Variants in CT47B1 observed in about 807,000 individuals in gnomAD.
CT47B1 encodes the protein cancer/testis antigen family 47 member B1.
A neutral mutation model predicts 12.8 loss-of-function variants in CT47B1; 24 were observed. The observed-to-expected ratio is 1.87, with a 90% CI of 1.36 to 2.63. The LOEUF is 2.63. Ranked by LOEUF, CT47B1 falls within the 30% of genes most tolerant of loss-of-function variation. The pLI is 0.00. For synonymous variants in CT47B1, 228 were observed against 133.3 expected (o/e 1.71, Z -4.89); for missense variants, 523 against 271.3 (o/e 1.93, Z -6.52).
Position 120,875,498 on chromosome X carries a change from A to G in CT47B1, c.173T>C (p.Val58Ala), listed in dbSNP as rs1252685293. The G allele has an allele frequency of 1.7e-6, 2 of 1,197,215 alleles. No homozygotes were observed. Among genetic ancestry groups the G allele is most frequent in the Non-Finnish European group, 2.2e-6 (2 of 893,296 alleles). ...ACCCTCCTCCTCCCCGAGGCCTTCC[A>G]CGGGCCCTGCGACTCCGACCACCTC... ...AAEVVGVAGP[V>A]EGLGEEEGEQ... Residue 58 changes from valine to alanine, a missense_variant, in exon 1 of 3, where the codon GTG becomes GCG. Val to Ala is a moderately conservative substitution (Grantham distance 64). Coordinates refer to ENST00000371311, the MANE Select transcript of CT47B1 (RefSeq NM_001145718.3).
In CT47B1 at chrX:120,875,480, T is replaced by A. The variant is rs757830268; in HGVS notation, c.191A>T (p.Glu64Val). Reference sequence around the variant, plus strand: ...CAGGCCTGCCGCCTGCTCACCCTCCTCCTCCCCGAGGCCTTCCACGGGCCC... The same window carrying A: ...CAGGCCTGCCGCCTGCTCACCCTCCACCTCCCCGAGGCCTTCCACGGGCCC... ...VAGPVEGLGE[E>V]EGEQAAGLAA... The change falls in exon 1 of 3, where the codon GAG (glutamate) becomes GTG (valine). Residue 64 changes from glutamate (E) to valine (V), a missense_variant. Physicochemically the swap from Glu to Val is moderately radical, Grantham distance 121. Coordinates refer to ENST00000371311, the MANE Select transcript of CT47B1 (RefSeq NM_001145718.3). 3 of 1,202,075 alleles carry A rather than the reference T, an allele frequency of 2.5e-6. No homozygotes were observed. The highest frequency in any genetic ancestry group is 3.5e-5 in the South Asian group (2 of 56,684).
In CT47B1 at chrX:120,875,413, A is replaced by C. The variant is rs765326890; in HGVS notation, c.258T>G (p.Asp86Glu). ...CCTCTTCCTCCGTCGCGGGCCCGAT[A>C]TCTGAGTCCTCCTCGGCGCTCCCGC... ...PQGGSAEEDS[D>E]IGPATEEEEE... Residue 86 changes from aspartate to glutamate, a missense_variant, in exon 1 of 3, where the codon GAT (aspartate) becomes GAG (glutamate). Transcript: ENST00000371311. The C allele has an allele frequency of 1.2e-5, 14 of 1,207,004 alleles. No homozygotes were observed. In the African/African-American group the frequency reaches 2.3e-4, roughly 20 times the overall value.
At position 120,875,237 on chromosome X, in the gene CT47B1, T is replaced by C. The variant is rs1209499178; in HGVS notation, c.434A>G (p.Asn145Ser). 1.7e-6 allele frequency: 2 copies of C among 1,210,992 alleles called. No homozygotes were observed. The highest frequency in any genetic ancestry group is 3.0e-5 in the East Asian group (1 of 33,829). ...LYHNDHIQIANRHLSRLMVGP... is the reference protein window; with the variant it reads ...LYHNDHIQIASRHLSRLMVGP... ...CACCATCAGGCGGCTGAGGTGACGG[T>C]TCGCTATCTGGATGTGGTCGTTGTG... Residue 145 changes from asparagine (N) to serine (S), a missense_variant, in exon 1 of 3, where the codon AAC becomes AGC. Coordinates refer to ENST00000371311, the MANE Select transcript of CT47B1 (RefSeq NM_001145718.3).
At position 120,874,881 on chromosome X, in the gene CT47B1, C is replaced by A. The variant is rs767516727; in HGVS notation, c.775+15G>T. 6.6e-6 allele frequency: 8 copies of A among 1,207,640 alleles called. No individual in the cohort carries two copies. Among genetic ancestry groups the A allele is most frequent in the East Asian group, 3.0e-5 (1 of 33,795 alleles). On this transcript the variant is annotated intron_variant, in intron 1 of 2. Coordinates refer to ENST00000371311, the MANE Select transcript of CT47B1 (RefSeq NM_001145718.3). ...TGGATCCCCGCTTCCCCGCTGCTGC[C>A]GCTAGCCCCCTTACCCTCGGGGGCC...
rs1923944725 is a variant in CT47B1 at position 120,875,338 on chromosome X, G to A, written c.333C>T (p.Ala111=). The part of the protein sequence containing the change: ...NEAANFDLAV[A]TRRYPAAGIG... ...TGCCCGCCGCCGGGTACCGACGGGT[G>A]GCCACCGCCAAGTCGAAGTTGGCCG... The change falls in exon 1 of 3, where the codon GCC becomes GCT. Residue 111 remains alanine (A), a synonymous_variant. Coordinates refer to ENST00000371311, the MANE Select transcript of CT47B1 (RefSeq NM_001145718.3). The A allele has an allele frequency of 6.6e-6, 8 of 1,209,670 alleles. 1 individual carries two copies. In the South Asian group the frequency reaches 7.0e-5, roughly 11 times the overall value.
chrX:120,873,154 G>A (rs1290713691), intron 2 of CT47B1, among the ~76,000 whole-genome samples: 5 of 99,797 alleles, frequency 5.0e-5, no homozygotes, highest in Admixed American at 4.3e-4. Flanking sequence ...CTTGGTTTCC[G>A]TATCTACCAT....
rs1401935605 is a variant in CT47B1 at position 120,875,859 on chromosome X, C to T, written c.-189G>A. ...ACCCTAAGGTGGGAAGGGCAGGGAG[C>T]GAATCCTAGGAACCTCCCACCAAGT... is the stretch of plus-strand genomic sequence containing the variant. On this transcript the variant is annotated 5_prime_UTR_variant, in exon 1 of 3. Coordinates refer to ENST00000371311, the MANE Select transcript of CT47B1 (RefSeq NM_001145718.3). 6 of 491,540 alleles carry T rather than the reference C, an allele frequency of 1.2e-5. No homozygotes were observed. The highest frequency in any genetic ancestry group is 6.1e-4 in the Middle Eastern group (1 of 1,648). 40.5% of individuals were successfully genotyped at this position (491,540 alleles called of 1,213,427 possible).
chrX:120,873,860 G>A lies in CT47B1; in HGVS notation c.*31+5C>T. 13 of 1,004,879 alleles carry A rather than the reference G, an allele frequency of 1.3e-5. 1 individual carries two copies. Among genetic ancestry groups the A allele is most frequent in the Non-Finnish European group, 1.5e-5 (11 of 755,609 alleles). The allele number at this position is 1,004,879 out of a possible 1,213,427, so 82.8% of individuals were successfully genotyped here. On this transcript the variant is annotated splice_donor_5th_base_variant and intron_variant, in intron 2 of 2. Transcript: ENST00000371311. The stretch of plus-strand genomic sequence containing the variant: ...TGACTGATTCTCAAAGCTATACACA[G>A]ATACCTGGATTTTCTTGGCTTCACC...
Position 120,875,133 on chromosome X carries a change from C to T in CT47B1, c.538G>A (p.Ala180Thr), listed in dbSNP as rs1349432598. The T allele has an allele frequency of 1.7e-6, 2 of 1,209,279 alleles. No individual in the cohort carries two copies. The change falls in exon 1 of 3, where the codon GCA becomes ACA. Residue 180 changes from alanine (A) to threonine (T), a missense_variant. By Grantham distance (58) the Ala-to-Thr change is moderately conservative. Coordinates refer to ENST00000371311, the MANE Select transcript of CT47B1 (RefSeq NM_001145718.3). ...LLSQRLGAGA[A>T]APEGEGLGLI... ...CCGAGGCCCTCGCCTTCTGGGGCTG[C>T]AGCCCCTGCACCCAGCCTCTGGGAC...
rs1409745793 is a variant in CT47B1, at chrX:120,875,860, G to A, written c.-190C>T. On this transcript the variant is annotated 5_prime_UTR_variant, in exon 1 of 3. Coordinates refer to ENST00000371311, the MANE Select transcript of CT47B1 (RefSeq NM_001145718.3). ...CCCTAAGGTGGGAAGGGCAGGGAGC[G>A]AATCCTAGGAACCTCCCACCAAGTC... 1.7e-5 allele frequency: 8 copies of A among 476,860 alleles called. No individual in the cohort carries two copies. The Admixed American group carries it at 3.2e-4, about 19-fold the overall frequency. 39.3% of individuals were successfully genotyped at this position (476,860 alleles called of 1,213,427 possible).
At position 120,874,897 on chromosome X, in the gene CT47B1, C is replaced by G. The variant is rs538389922; in HGVS notation, c.774G>C (p.Glu258Asp). The change falls in exon 1 of 3, where the codon GAG (glutamate) becomes GAC (aspartate). Residue 258 changes from glutamate to aspartate, a missense_variant and splice_region_variant. Physicochemically the swap from Glu to Asp is conservative, Grantham distance 45 (BLOSUM62 2). Coordinates refer to ENST00000371311, the MANE Select transcript of CT47B1 (RefSeq NM_001145718.3). ...EPTSEEAVAP[E>D]EVTKSQPEKW... is the part of the protein sequence containing the mutation. ...CGCTGCTGCCGCTAGCCCCCTTACC[C>G]TCGGGGGCCACGGCCTCCTCTGAGG... 287 of 1,207,676 alleles carry G rather than the reference C, an allele frequency of 2.4e-4. 2 individuals are homozygous for G. The South Asian group carries it at 4.6e-3, about 19-fold the overall frequency.
At position 120,875,283 on chromosome X, in the gene CT47B1, A is replaced by G; in HGVS notation, c.388T>C (p.Ser130Pro). The G allele has an allele frequency of 8.3e-7, 1 of 1,211,157 alleles. No individual in the cohort carries two copies. Among genetic ancestry groups the G allele is most frequent in the Non-Finnish European group, 1.1e-6 (1 of 894,843 alleles). ...IGFVFLYLVHSLLRRLYHNDH... is the reference protein window; with the variant it reads ...IGFVFLYLVHPLLRRLYHNDH... ...TTGTGATAGAGGCGGCGGAGAAGGG[A>G]GTGGACCAGGTACAGGAACACGAAG... Residue 130 changes from serine (S) to proline (P), a missense_variant, in exon 1 of 3, where the codon TCC (serine) becomes CCC (proline). Physicochemically the swap from Ser to Pro is moderately conservative, Grantham distance 74. Coordinates refer to ENST00000371311, the MANE Select transcript of CT47B1 (RefSeq NM_001145718.3).
At position 120,872,705 on chromosome X, in the gene CT47B1, C is replaced by A. The variant is rs1923800857; in HGVS notation, c.*67G>T. On this transcript the variant is annotated 3_prime_UTR_variant, in exon 3 of 3. Transcript: ENST00000371311. ...TGGATATCACTTTTGATGTAACGAACTTTGGAATGATATGTGTTACAATTC... is the reference window on the plus strand; with the variant it reads ...TGGATATCACTTTTGATGTAACGAAATTTGGAATGATATGTGTTACAATTC... The A allele has an allele frequency of 9.3e-6, 1 of 108,075 alleles. No homozygotes were observed. The highest frequency in any genetic ancestry group is 3.3e-5 in the African/African-American group (1 of 30,447). The allele number at this position is 108,075 out of a possible 1,213,427, so 8.9% of individuals were successfully genotyped here.
At position 120,875,228 on chromosome X, in the gene CT47B1, A is replaced by C; in HGVS notation, c.443T>G (p.Leu148Arg). 3 of 1,211,075 alleles carry C rather than the reference A, an allele frequency of 2.5e-6. No homozygotes were observed. Among genetic ancestry groups the C allele is most frequent in the Non-Finnish European group, 2.2e-6 (2 of 894,806 alleles). Residue 148 changes from leucine to arginine, a missense_variant, in exon 1 of 3, where the codon CTC becomes CGC. Coordinates refer to ENST00000371311, the MANE Select transcript of CT47B1 (RefSeq NM_001145718.3). The part of the protein sequence containing the change: ...NDHIQIANRH[L>R]SRLMVGPHAA... ...GTGGGGCCCCACCATCAGGCGGCTG[A>C]GGTGACGGTTCGCTATCTGGATGTG...
Position 120,875,479 on chromosome X carries a change from C to A in CT47B1, c.192G>T (p.Glu64Asp), listed in dbSNP as rs761768951. 1.9e-4 allele frequency: 229 copies of A among 1,201,231 alleles called. No homozygotes were observed. The African/African-American group carries it at 3.7e-3, about 19-fold the overall frequency. ...VAGPVEGLGEEEGEQAAGLAA... is the reference protein window; with the variant it reads ...VAGPVEGLGEDEGEQAAGLAA... ...CCAGGCCTGCCGCCTGCTCACCCTCCTCCTCCCCGAGGCCTTCCACGGGCC... is the reference window on the plus strand; with the variant it reads ...CCAGGCCTGCCGCCTGCTCACCCTCATCCTCCCCGAGGCCTTCCACGGGCC... Residue 64 changes from glutamate to aspartate, a missense_variant, in exon 1 of 3, where the codon GAG (glutamate) becomes GAT (aspartate). By Grantham distance (45) the Glu-to-Asp change is conservative. Coordinates refer to ENST00000371311, the MANE Select transcript of CT47B1 (RefSeq NM_001145718.3).
At chrX:120,872,873 C>T (rs1235332062) in intron 2 of CT47B1, 133 bp from the exon 3 acceptor site, 1 of 101,499 alleles carries the variant, frequency 9.9e-6, no homozygotes, top group Non-Finnish European at 2.2e-5. Flanking sequence ...AAATGGCCAG[C>T]TCTGTGTATA....
At position 120,873,877 on chromosome X, in the gene CT47B1, G is replaced by T. The variant is rs1469726602; in HGVS notation, c.*19C>A. ...TATACACAGATACCTGGATTTTCTT[G>T]GCTTCACCTCTGCTGCGTCTAGGTC... On this transcript the variant is annotated 3_prime_UTR_variant, in exon 2 of 3. Coordinates refer to ENST00000371311, the MANE Select transcript of CT47B1 (RefSeq NM_001145718.3). 2 of 1,133,987 alleles carry T rather than the reference G, an allele frequency of 1.8e-6. No homozygotes were observed. The highest frequency in any genetic ancestry group is 2.3e-6 in the Non-Finnish European group (2 of 865,325). 93.5% of individuals were successfully genotyped at this position (1,133,987 alleles called of 1,213,427 possible).
At position 120,874,974 on chromosome X, in the gene CT47B1, C is replaced by G. The variant is rs757090872; in HGVS notation, c.697G>C (p.Glu233Gln). ...ADEKPPEEAAEEKLTEEATEE... is the reference protein window; with the variant it reads ...ADEKPPEEAAQEKLTEEATEE... ...GTGGCCTCCTCTGTGAGCTTCTCCTCTGCGGCCTCCTCTGGGGGTTTCTCA... is the reference window on the plus strand; with the variant it reads ...GTGGCCTCCTCTGTGAGCTTCTCCTGTGCGGCCTCCTCTGGGGGTTTCTCA... The change falls in exon 1 of 3, where the codon GAG (glutamate) becomes CAG (glutamine). Residue 233 changes from glutamate (E) to glutamine (Q), a missense_variant. Coordinates refer to ENST00000371311, the MANE Select transcript of CT47B1 (RefSeq NM_001145718.3). 5.4e-5 allele frequency: 65 copies of G among 1,208,975 alleles called. No individual in the cohort carries two copies. The highest frequency in any genetic ancestry group is 6.7e-5 in the Non-Finnish European group (60 of 894,521).
chrX:120,875,159 A>G lies in CT47B1; in HGVS notation c.512T>C (p.Leu171Pro). The G allele has an allele frequency of 8.4e-7, 1 of 1,191,521 alleles. No individual in the cohort carries two copies. Among genetic ancestry groups the G allele is most frequent in the Non-Finnish European group, 1.1e-6 (1 of 880,022 alleles). ...NLWDNPPLLL[L>P]SQRLGAGAAA... ...AGCCCCTGCACCCAGCCTCTGGGAC[A>G]GCAGCAGCAGGGGAGGGTTGTCCCA... The change falls in exon 1 of 3, where the codon CTG becomes CCG. Residue 171 changes from leucine (L) to proline (P), a missense_variant. Physicochemically the swap from Leu to Pro is moderately conservative, Grantham distance 98. Transcript: ENST00000371311.
Sources: gnomAD v4.1 joint callset for allele counts (sites outside exome capture counted in the v4.1 genomes callset) on GRCh38, gnomAD v4.1.1 for gene constraint, MANE v1.5 for transcripts, NCBI Gene and HGNC (gene_info 2026-07-23, HGNC 2026-07-21) for gene names.